Variants in PTPN5 observed in about 807,000 individuals in gnomAD.
PTPN5 encodes the protein tyrosine-protein phosphatase non-receptor type 5.
In PTPN5, 29 loss-of-function variants were observed where a neutral mutation model predicts 73.9. The ratio of observed to expected loss-of-function variants is 0.39; its 90% CI spans 0.29 to 0.54. The LOEUF is 0.54. PTPN5 is among the 20% of genes least tolerant of loss of function. The pLI is 0.65. For synonymous variants in PTPN5, 267 were observed against 304.7 expected (o/e 0.88, Z 1.29); for missense variants, 652 against 751.4 (o/e 0.87, Z 1.55).
intron 1 of PTPN5, among the ~76,000 whole-genome samples, chr11:18,782,991 G>C (rs1478907015): frequency 6.6e-6 from 1 of 152,244 alleles, no homozygotes; most frequent in Non-Finnish European, 1.5e-5. Flanking sequence ...GGTAAGACAG[G>C]GCTCTGTGGT....
chr11:18,729,844 C>T lies in PTPN5; in HGVS notation c.1330-26G>A, dbSNP rs747730760. ...CTGTCGAGGAGACAGAGGCCCACCCCAGGTATGTGTGAACTCTTTCAGCTC... is the reference window on the plus strand; with the variant it reads ...CTGTCGAGGAGACAGAGGCCCACCCTAGGTATGTGTGAACTCTTTCAGCTC... On this transcript the variant is annotated intron_variant, in intron 12 of 14. Transcript: ENST00000358540. The surrounding 1 kb of genome is among the most constrained non-coding windows in gnomAD (Gnocchi z 5.2). The T allele has an allele frequency of 6.2e-7, 1 of 1,614,054 alleles. No individual in the cohort carries two copies. The highest frequency in any genetic ancestry group is 1.1e-5 in the South Asian group (1 of 91,080).
intron 2 of PTPN5, 91 bp from the exon 3 acceptor site, chr11:18,765,974 A>G (rs1850628116): frequency 2.1e-6 from 2 of 933,596 alleles, no homozygotes; most frequent in African/African-American, 1.6e-5. Context: ...CCTCTCCTGT[A>G]TTCTGTATCC....
At chr11:18,738,972 CAA>C (rs375555659) in intron 8 of PTPN5, among the ~76,000 whole-genome samples, 50 of 70,040 alleles carry the variant, frequency 7.1e-4, no homozygotes, top group Admixed American at 1.5e-3. Context: ...AACCCTGTCT[CAA>C]AAAAAAAAAA....
chr11:18,777,983 AAAGAAAGAAAGG>A (rs762521540), intron 1 of PTPN5, among the ~76,000 whole-genome samples: 36 of 131,612 alleles, frequency 2.7e-4, no homozygotes, highest in Non-Finnish European at 4.9e-4. Context: ...AGGAAGAAAG[AAAGAAAGAAAGG>A]AAGGAAGGAA....
intron 1 of PTPN5, among the ~76,000 whole-genome samples, chr11:18,778,107 G>C (rs995388143): frequency 6.6e-6 from 1 of 152,166 alleles, no homozygotes; most frequent in Non-Finnish European, 1.5e-5. Context: ...ATTGTGAAGA[G>C]TCATGCTGCC....
chr11:18,736,379 A>G (rs924354775), intron 9 of PTPN5, among the ~76,000 whole-genome samples: 22 of 152,346 alleles, frequency 1.4e-4, no homozygotes, highest in Middle Eastern at 6.8e-3. Context: ...AATTGCTCCC[A>G]GCATCTTGTT....
intron 2 of PTPN5, among the ~76,000 whole-genome samples, chr11:18,769,215 G>A (rs1283880501): frequency 6.6e-6 from 1 of 152,178 alleles, no homozygotes; most frequent in Non-Finnish European, 1.5e-5. Flanking sequence ...AATAATCCAG[G>A]CCCCTCCTTG....
chr11:18,742,971 TG>T lies in PTPN5; in HGVS notation c.483+20del. The T allele has an allele frequency of 6.7e-7, 1 of 1,498,868 alleles. No individual in the cohort carries two copies. Among genetic ancestry groups the T allele is most frequent in the Non-Finnish European group, 9.1e-7 (1 of 1,099,078 alleles). The allele number at this position is 1,498,868 out of a possible 1,614,324, so 92.8% of individuals were successfully genotyped here. A position where few individuals can be genotyped will look rare whatever the true frequency, so the allele number is the denominator to read the frequency against. ...GGTCAGAGGAGGACAGCCTTGAGGT[TG>T]GGGTCAGGAGGCGCCTTACCAGGGT... is the stretch of plus-strand genomic sequence containing the variant. On this transcript the variant is annotated intron_variant, in intron 6 of 14. Coordinates refer to ENST00000358540, the MANE Select transcript of PTPN5 (RefSeq NM_006906.2). This position sits in a 1 kb window ranked among gnomAD's most constrained non-coding sequence, Gnocchi z 4.1.
intron 2 of PTPN5, 107 bp downstream of exon 2, chr11:18,771,832 C>T (rs192297491): frequency 5.0e-4 from 450 of 908,816 alleles, no homozygotes; most frequent in Middle Eastern, 7.8e-4. Context: ...AATGATCAGG[C>T]TGAACACCTC....
intron 3 of PTPN5, 46 bp downstream of exon 3, chr11:18,765,761 T>C: frequency 1.5e-6 from 2 of 1,335,338 alleles, no homozygotes; most frequent in African/African-American, 2.9e-5. Context: ...GGGCATTGTC[T>C]CTCCATTCTG....
At chr11:18,732,116 G>C (rs1229143438) in intron 12 of PTPN5, among the ~76,000 whole-genome samples, 1 of 152,114 alleles carries the variant, frequency 6.6e-6, no homozygotes, top group Admixed American at 6.5e-5. Context: ...ACAGCCCCCT[G>C]TACAACCCCA....
intron 1 of PTPN5, among the ~76,000 whole-genome samples, chr11:18,783,665 G>C (rs564232316): frequency 6.6e-6 from 1 of 152,342 alleles, no homozygotes; most frequent in South Asian, 2.1e-4. Context: ...CTCAGTAAGA[G>C]TGAGTGCTTA....
chr11:18,790,563 G>C (rs922914572), intron 1 of PTPN5, among the ~76,000 whole-genome samples: 1 of 152,132 alleles, frequency 6.6e-6, no homozygotes, highest in Non-Finnish European at 1.5e-5. Flanking sequence ...GCTCTCCTTT[G>C]AGGTTGAAGG....
In PTPN5 at chr11:18,744,101, A is replaced by G. The variant is rs56234898; in HGVS notation, c.196T>C (p.Ser66Pro). Residue 66 changes from serine to proline, a missense_variant, in exon 4 of 15, where the codon TCA becomes CCA. Ser to Pro is a moderately conservative substitution (Grantham distance 74). Transcript: ENST00000358540. ...GGTGGTGGCTTCTGAGCTGGATCTG[A>G]GGGCGGCGAGGGAGGAGGGGGTGGC... ...MPPPPPPSPP[S>P]DPAQKPPPRG... 19,503 of 1,611,294 alleles carry G rather than the reference A, an allele frequency of 0.012. 167 individuals carry two copies. The highest frequency in any genetic ancestry group is 0.015 in the Non-Finnish European group (17,490 of 1,178,902).
chr11:18,774,781 C>T (rs1851066252), intron 1 of PTPN5, among the ~76,000 whole-genome samples: 1 of 152,228 alleles, frequency 6.6e-6, no homozygotes, highest in Admixed American at 6.5e-5. Flanking sequence ...TGGACCCTCC[C>T]AGCCTCTTCT....
intron 12 of PTPN5, among the ~76,000 whole-genome samples, chr11:18,731,008 T>C (rs1848847087): frequency 1.3e-5 from 2 of 152,044 alleles, no homozygotes; most frequent in African/African-American, 2.4e-5. Flanking sequence ...GGGAATGTTC[T>C]CCTGACTTGT....
At chr11:18,741,225 C>T (rs984257483) in intron 7 of PTPN5, among the ~76,000 whole-genome samples, 3 of 152,126 alleles carry the variant, frequency 2.0e-5, no homozygotes, top group South Asian at 2.1e-4. Flanking sequence ...ACTGCAGTCC[C>T]GGGCCCAACA....
intron 1 of PTPN5, among the ~76,000 whole-genome samples, chr11:18,789,725 A>C (rs1851826135): frequency 6.6e-6 from 1 of 152,210 alleles, no homozygotes; most frequent in East Asian, 1.9e-4. Flanking sequence ...GTTCTCACTC[A>C]TAAGTGAGAG....
At chr11:18,747,454 A>G (rs1309584650) in intron 3 of PTPN5, among the ~76,000 whole-genome samples, 2 of 152,150 alleles carry the variant, frequency 1.3e-5, no homozygotes, top group Non-Finnish European at 2.9e-5. Flanking sequence ...CCTGGCCTGT[A>G]TTAAGATATA....
Sources: allele counts gnomAD v4.1 joint callset (sites outside exome capture counted in the v4.1 genomes callset), GRCh38; gene constraint gnomAD v4.1.1; non-coding constraint Gnocchi (gnomAD v3.1); transcripts MANE v1.5; gene names NCBI Gene and HGNC (gene_info 2026-07-23, HGNC 2026-07-21).